GALNT17: variants seen among roughly 807,000 people sequenced by gnomAD.
GALNT17 encodes the protein polypeptide N-acetylgalactosaminyltransferase 17.
A neutral mutation model predicts 63.7 loss-of-function variants in GALNT17; 29 were observed. The ratio of observed to expected loss-of-function variants is 0.46; its 90% CI spans 0.34 to 0.62. GALNT17 has a LOEUF of 0.62. Ranked by LOEUF, GALNT17 falls within the 20% of genes least tolerant of loss-of-function variation. GALNT17 has a pLI of 0.01. For synonymous variants in GALNT17, 305 were observed against 318.3 expected (o/e 0.96, Z 0.45); for missense variants, 603 against 799.6 (o/e 0.75, Z 2.97).
chr7:71,631,682 AAGG>A (rs1189643852), intron 6 of GALNT17, among the ~76,000 whole-genome samples: 1 of 152,118 alleles, frequency 6.6e-6, no homozygotes, highest in African/African-American at 2.4e-5. Context: ...TAAGGGAAGG[AAGG>A]AGGAGGATGA....
chr7:71,618,749 G>A (rs971475758), intron 6 of GALNT17, among the ~76,000 whole-genome samples: 27 of 152,004 alleles, frequency 1.8e-4, no homozygotes, highest in Admixed American at 7.2e-4. Context: ...ATCTTCTCCC[G>A]TTCTATAGGT....
chr7:71,337,079 A>C (rs963355877), intron 2 of GALNT17, among the ~76,000 whole-genome samples: 1 of 150,896 alleles, frequency 6.6e-6, no homozygotes, highest in Non-Finnish European at 1.5e-5. Context: ...TCCTTTTTCT[A>C]AAAAAAAATC....
intron 1 of GALNT17, chr7:71,300,567 A>G: frequency 2.7e-6 from 1 of 364,182 alleles, no homozygotes. Context: ...AAAGCAAGTC[A>G]TTTGTTTTCT....
chr7:71,497,340 C>T (rs1046834580), intron 5 of GALNT17, among the ~76,000 whole-genome samples: 1 of 152,232 alleles, frequency 6.6e-6, no homozygotes, highest in Non-Finnish European at 1.5e-5. Flanking sequence ...GCCAGAAATC[C>T]GAGATGAGCA....
chr7:71,687,897 T>G (rs1452588262), intron 9 of GALNT17, among the ~76,000 whole-genome samples: 1 of 152,104 alleles, frequency 6.6e-6, no homozygotes, highest in Non-Finnish European at 1.5e-5. Flanking sequence ...GGGGTCTTGC[T>G]GTGTTGCCCA....
At chr7:71,598,791 C>T (rs1584080134) in intron 6 of GALNT17, among the ~76,000 whole-genome samples, 1 of 141,050 alleles carries the variant, frequency 7.1e-6, no homozygotes, top group East Asian at 2.2e-4. Context: ...AGTGACTAAG[C>T]ACACAGAAAT....
At chr7:71,532,695 A>G (rs1178651609) in intron 5 of GALNT17, among the ~76,000 whole-genome samples, 1 of 152,192 alleles carries the variant, frequency 6.6e-6, no homozygotes, top group Non-Finnish European at 1.5e-5. Flanking sequence ...ATTAGAGGCT[A>G]CACTACGGGA....
chr7:71,146,262 C>T (rs1328699656), intron 1 of GALNT17, among the ~76,000 whole-genome samples: 2 of 152,120 alleles, frequency 1.3e-5, no homozygotes, highest in African/African-American at 4.8e-5. Context: ...CTGGGATTGT[C>T]ACAGCTGTGA....
At chr7:71,385,247 G>A (rs1387758277) in intron 2 of GALNT17, among the ~76,000 whole-genome samples, 1 of 152,062 alleles carries the variant, frequency 6.6e-6, no homozygotes, top group Non-Finnish European at 1.5e-5. Flanking sequence ...GCCTTAGACA[G>A]ACCCAAGAGA....
At chr7:71,265,877 T>TA (rs1335737266) in intron 1 of GALNT17, among the ~76,000 whole-genome samples, 3 of 152,308 alleles carry the variant, frequency 2.0e-5, no homozygotes, top group Non-Finnish European at 4.4e-5. Context: ...CATAGTGGCA[T>TA]AAAACACCAC....
At chr7:71,351,266 A>G (rs1792184661) in intron 2 of GALNT17, among the ~76,000 whole-genome samples, 1 of 152,182 alleles carries the variant, frequency 6.6e-6, no homozygotes, top group Non-Finnish European at 1.5e-5. Flanking sequence ...AGGAACTGAT[A>G]GCAGATACTG....
intron 5 of GALNT17, among the ~76,000 whole-genome samples, chr7:71,484,716 C>T (rs1007633075): frequency 1.7e-4 from 26 of 151,784 alleles, no homozygotes; most frequent in African/African-American, 6.3e-4. Context: ...TTATGTGGTG[C>T]ATGACTGCAT....
intron 5 of GALNT17, among the ~76,000 whole-genome samples, chr7:71,434,850 T>G (rs2960891): frequency 1.4e-3 from 210 of 152,224 alleles, no homozygotes; most frequent in African/African-American, 4.8e-3. Context: ...TTAATAGAAT[T>G]CTACTACAGA....
intron 6 of GALNT17, among the ~76,000 whole-genome samples, chr7:71,641,347 G>T (rs976014625): frequency 6.6e-6 from 1 of 152,108 alleles, no homozygotes; most frequent in Non-Finnish European, 1.5e-5. Flanking sequence ...TGTAACTCGG[G>T]AATTATAGAA....
intron 1 of GALNT17, among the ~76,000 whole-genome samples, chr7:71,321,574 C>T (rs1791605651): frequency 6.6e-6 from 1 of 152,214 alleles, no homozygotes; most frequent in African/African-American, 2.4e-5. Context: ...GAACATTCTT[C>T]ATTGTCTTCG....
In GALNT17 at chr7:71,388,217, C is replaced by T. The variant is rs773049503; in HGVS notation, c.423-18C>T. The T allele has an allele frequency of 6.2e-6, 10 of 1,609,464 alleles. No homozygotes were observed. Among genetic ancestry groups the T allele is most frequent in the Middle Eastern group, 1.7e-4 (1 of 6,034 alleles). ...TATCCTTCCTCTGACTCTGCATTTCCGATCTCTCCTTCCCCAGGTGTAAGG... is the reference window on the plus strand; with the variant it reads ...TATCCTTCCTCTGACTCTGCATTTCTGATCTCTCCTTCCCCAGGTGTAAGG... On this transcript the variant is annotated intron_variant, in intron 2 of 10. Coordinates refer to ENST00000333538, the MANE Select transcript of GALNT17 (RefSeq NM_022479.3).
intron 3 of GALNT17, among the ~76,000 whole-genome samples, chr7:71,397,693 G>A (rs2906260): frequency 0.011 from 1,686 of 152,202 alleles, 31 homozygotes; most frequent in African/African-American, 0.039. Flanking sequence ...TCCCTTCACT[G>A]TCTTCTTGTG....
chr7:71,274,424 T>C (rs6953068), intron 1 of GALNT17, among the ~76,000 whole-genome samples: 9,055 of 152,094 alleles, frequency 0.06, 926 homozygotes, highest in African/African-American at 0.21. Flanking sequence ...GGACTACAGG[T>C]GTGCGCCACC....
At chr7:71,270,519 C>T (rs893674439) in intron 1 of GALNT17, among the ~76,000 whole-genome samples, 13 of 133,028 alleles carry the variant, frequency 9.8e-5, no homozygotes, top group Admixed American at 5.1e-4. Context: ...TGCGAGACTA[C>T]GTACCCTCCC....
Sources: allele counts gnomAD v4.1 joint callset (sites outside exome capture counted in the v4.1 genomes callset), GRCh38; gene constraint gnomAD v4.1.1; transcripts MANE v1.5; gene names NCBI Gene and HGNC (gene_info 2026-07-23, HGNC 2026-07-21).